Variants in VPS13D observed in about 807,000 individuals in gnomAD.
VPS13D encodes the protein vacuolar protein sorting 13 homolog D.
A neutral mutation model predicts 461.9 loss-of-function variants in VPS13D; 187 were observed. That is an observed-to-expected ratio of 0.40 (90% confidence interval 0.36 to 0.46). The LOEUF (loss-of-function observed/expected upper bound fraction) is 0.46, where lower values mean the gene tolerates loss of function less well. Ranked by LOEUF, VPS13D falls within the 20% of genes least tolerant of loss-of-function variation. VPS13D has a pLI of 0.60. For missense variants in VPS13D, 4,711 were observed against 5,364.9 expected (o/e 0.88, Z 3.81); for synonymous variants, 1,951 against 1,986.3 (o/e 0.98, Z 0.47).
chr1:12,446,833 C>T (rs1645198716), intron 65 of VPS13D, among the ~76,000 whole-genome samples: 1 of 152,220 alleles, frequency 6.6e-6, no homozygotes, highest in African/African-American at 2.4e-5. Flanking sequence ...AGTCTGGCCT[C>T]CATCTTTCTT....
Position 12,354,006 on chromosome 1 carries a change from C to T in VPS13D, c.9464C>T (p.Pro3155Leu). ...FCVAIKKENYPDYMPSNIFSD... is the reference protein window; with the variant it reads ...FCVAIKKENYLDYMPSNIFSD... ...GTGGCTATAAAGAAAGAGAATTATC[C>T]AGATTATATGCCCTCAAACATATTT... The change falls in exon 47 of 70, where the codon CCA becomes CTA. Residue 3155 changes from proline (P) to leucine (L), a missense_variant. Physicochemically the swap from Pro to Leu is moderately conservative, Grantham distance 98. This residue lies in a region of VPS13D where 4,411 missense variants were observed against 4,937.8 expected (regional missense o/e 0.89). Transcript: ENST00000620676. The T allele has an allele frequency of 3.7e-6, 6 of 1,614,032 alleles. No individual in the cohort carries two copies. Among genetic ancestry groups the T allele is most frequent in the Non-Finnish European group, 5.1e-6 (6 of 1,179,972 alleles).
chr1:12,400,962 G>GCGCACGCA (rs1253464149), intron 61 of VPS13D, among the ~76,000 whole-genome samples: 15 of 106,296 alleles, frequency 1.4e-4, no homozygotes, highest in African/African-American at 5.0e-4. Context: ...CTGCGCGCGC[G>GCGCACGCA]CACACACACA....
At chr1:12,372,582 A>T (rs1300528080) in intron 54 of VPS13D, among the ~76,000 whole-genome samples, 1 of 152,124 alleles carries the variant, frequency 6.6e-6, no homozygotes, top group East Asian at 1.9e-4. Flanking sequence ...TTGAATTGTC[A>T]GAGTTCTTCA....
intron 15 of VPS13D, 37 bp downstream of exon 15, chr1:12,267,957 A>T: frequency 6.5e-7 from 1 of 1,541,870 alleles, no homozygotes; most frequent in African/African-American, 1.4e-5. Context: ...AAATTTTTAA[A>T]TTTTTTAAAT....
At chr1:12,231,680 A>G (rs533391986) in intron 1 of VPS13D, among the ~76,000 whole-genome samples, 49 of 152,244 alleles carry the variant, frequency 3.2e-4, no homozygotes, top group African/African-American at 1.2e-3. Flanking sequence ...GGTTTTCACA[A>G]ATTTACTCCT....
intron 23 of VPS13D, 57 bp downstream of exon 23, chr1:12,291,181 G>T: frequency 6.4e-7 from 1 of 1,569,334 alleles, no homozygotes; most frequent in Non-Finnish European, 8.6e-7. Context: ...TGCTGTTTCA[G>T]ATTCTTGTTG....
At chr1:12,405,382 G>A (rs137979922) in intron 63 of VPS13D, among the ~76,000 whole-genome samples, 19 of 152,302 alleles carry the variant, frequency 1.2e-4, no homozygotes, top group East Asian at 7.7e-4. Flanking sequence ...TCATGTGGCC[G>A]TGTCTGCCAA....
At chr1:12,335,621 G>T (rs1643432034) in intron 38 of VPS13D, 84 bp from the exon 39 acceptor site, 1 of 1,506,966 alleles carries the variant, frequency 6.6e-7, no homozygotes, top group African/African-American at 1.4e-5. Flanking sequence ...CTCAATAAAA[G>T]CTTGTTTTGC....
rs141217404 is a variant in VPS13D at position 12,335,734 on chromosome 1, A to G, written c.8458A>G (p.Met2820Val). 3.3e-5 allele frequency: 53 copies of G among 1,613,946 alleles called. No homozygotes were observed. In the Middle Eastern group the frequency reaches 4.9e-4, roughly 15 times the overall value. ...GTATGTAAGTACCAAGGAATCGTGG[A>G]TGGCAGATTACTGTAAAGATGACAA... ...DQYVSTKESW[M>V]ADYCKDDKDI... Residue 2820 changes from methionine (M) to valine (V), a missense_variant, in exon 39 of 70, where the codon ATG becomes GTG. Physicochemically the swap from Met to Val is conservative, Grantham distance 21. Coordinates refer to ENST00000620676, the MANE Select transcript of VPS13D (RefSeq NM_015378.4).
intron 23 of VPS13D, 43 bp from the exon 24 acceptor site, chr1:12,293,481 T>C (rs752147228): frequency 1.3e-6 from 2 of 1,521,622 alleles, no homozygotes; most frequent in East Asian, 4.8e-5. Context: ...TACTAACTTG[T>C]GTCTTGCTGT....
intron 35 of VPS13D, among the ~76,000 whole-genome samples, chr1:12,324,066 A>G (rs1224981080): frequency 6.6e-6 from 1 of 151,932 alleles, no homozygotes; most frequent in African/African-American, 2.4e-5. Context: ...GCGTCACCAC[A>G]CCTAGGTAAT....
At chr1:12,379,991 G>A (rs568421143) in intron 57 of VPS13D, among the ~76,000 whole-genome samples, 30 of 152,022 alleles carry the variant, frequency 2.0e-4, no homozygotes, top group Non-Finnish European at 4.1e-4. Flanking sequence ...GGATGGTCTC[G>A]ATCTCCTAAC....
chr1:12,356,360 G>A, intron 48 of VPS13D, 38 bp from the exon 49 acceptor site: 1 of 1,593,348 alleles, frequency 6.3e-7, no homozygotes, highest in Non-Finnish European at 8.6e-7. Flanking sequence ...CAGATAGACT[G>A]GGTGGTATTG....
At chr1:12,492,581 TCGAA>T (rs1645897614) in intron 67 of VPS13D, among the ~76,000 whole-genome samples, 1 of 152,238 alleles carries the variant, frequency 6.6e-6, no homozygotes, top group Admixed American at 6.5e-5. Context: ...TTCAGCCACT[TCGAA>T]CGCAGTTTGG....
rs140266013 is a variant in VPS13D, at chr1:12,363,158, A to G, written c.10359A>G (p.Leu3453=). ...FHWPRNDYDQ[L]LCVRLMDVPN... Reference sequence around the variant, plus strand: ...GGCCTCGGAATGACTATGATCAGCTATTGTGTGTCAGACTGATGGACGTTC... The same window carrying G: ...GGCCTCGGAATGACTATGATCAGCTGTTGTGTGTCAGACTGATGGACGTTC... The change falls in exon 52 of 70, where the codon CTA becomes CTG. Residue 3453 remains leucine (L), a synonymous_variant. Coordinates refer to ENST00000620676, the MANE Select transcript of VPS13D (RefSeq NM_015378.4). 7.4e-6 allele frequency: 12 copies of G among 1,614,130 alleles called. No homozygotes were observed. The African/African-American group carries it at 1.1e-4, about 14-fold the overall frequency.
chr1:12,490,671 A>C (rs568324919), intron 67 of VPS13D, among the ~76,000 whole-genome samples: 27 of 151,864 alleles, frequency 1.8e-4, no homozygotes, highest in East Asian at 5.8e-4. Context: ...AGCCCATGGC[A>C]TGGTGGGAGC....
intron 60 of VPS13D, among the ~76,000 whole-genome samples, chr1:12,397,482 A>G (rs534104880): frequency 1.8e-4 from 28 of 152,314 alleles, no homozygotes; most frequent in African/African-American, 6.7e-4. Flanking sequence ...AGAAGACAAT[A>G]TGGTCGAGCC....
At chr1:12,306,750 T>C (rs949225834) in intron 26 of VPS13D, among the ~76,000 whole-genome samples, 1 of 152,102 alleles carries the variant, frequency 6.6e-6, no homozygotes, top group African/African-American at 2.4e-5. Flanking sequence ...GGAAGACAAT[T>C]TTTCCACAGA....
intron 41 of VPS13D, among the ~76,000 whole-genome samples, chr1:12,342,224 AT>A (rs1055767015): frequency 6.6e-6 from 1 of 152,220 alleles, no homozygotes; most frequent in Non-Finnish European, 1.5e-5. Flanking sequence ...ATGTGTGGTT[AT>A]CACACCAAAT....
Sources: allele counts gnomAD v4.1 joint callset (sites outside exome capture counted in the v4.1 genomes callset), GRCh38; gene constraint gnomAD v4.1.1; regional missense constraint gnomAD v4.1.1; transcripts MANE v1.5; gene names NCBI Gene and HGNC (gene_info 2026-07-23, HGNC 2026-07-21).